Variants in SLC4A1AP observed in about 807,000 individuals in gnomAD.
SLC4A1AP encodes the protein kanadaptin.
SLC4A1AP carries 64 observed loss-of-function variants against 89.7 expected under a neutral mutation model. That is an observed-to-expected ratio of 0.71 (90% CI 0.58 to 0.88). The LOEUF is 0.88. Among genes scored for constraint, SLC4A1AP ranks in the 40% least tolerant of loss-of-function variants. The pLI is 0.00. For missense variants in SLC4A1AP, 931 were observed against 965.0 expected (o/e 0.96, Z 0.47); for synonymous variants, 366 against 353.3 (o/e 1.04, Z -0.40).
At chr2:27,672,737 C>T (rs973021333) in intron 5 of SLC4A1AP, among the ~76,000 whole-genome samples, 3 of 152,100 alleles carry the variant, frequency 2.0e-5, no homozygotes, top group Non-Finnish European at 4.4e-5. Context: ...GGTTTGTTGA[C>T]TTTGAGCAGT....
chr2:27,683,562 C>T (rs1031821924), intron 9 of SLC4A1AP, among the ~76,000 whole-genome samples: 1 of 152,112 alleles, frequency 6.6e-6, no homozygotes, highest in Non-Finnish European at 1.5e-5. Flanking sequence ...TAGGGCCCCA[C>T]CCTAATAGTG....
intron 12 of SLC4A1AP, among the ~76,000 whole-genome samples, chr2:27,690,793 G>A (rs138766140): frequency 0.023 from 3,552 of 152,150 alleles, 84 homozygotes; most frequent in Non-Finnish European, 0.038. Context: ...TATGGTTTTT[G>A]TTTTTAATTC....
exon 13 of SLC4A1AP, chr2:27,693,720 T>G: frequency 6.2e-7 from 1 of 1,612,488 alleles, no homozygotes; most frequent in Non-Finnish European, 8.5e-7. Context: ...ATCCTGAAGA[T>G]GACCCAGACT....
intron 8 of SLC4A1AP, among the ~76,000 whole-genome samples, chr2:27,680,121 G>A (rs1419486082): frequency 1.3e-5 from 2 of 152,132 alleles, no homozygotes; most frequent in African/African-American, 4.8e-5. Flanking sequence ...TTTAGCAGCC[G>A]ATGTCTGCAG....
Position 27,694,758 on chromosome 2 carries a change from T to C in SLC4A1AP, c.*75T>C, listed in dbSNP as rs910729279. ...ATTTGGGATAATGTATCAAATTGAA[T>C]GGCCAGAGAAGTTTAGATGATTATT... is the stretch of plus-strand genomic sequence containing the variant. On this transcript the variant is annotated 3_prime_UTR_variant, in exon 14 of 14. Coordinates refer to ENST00000613058, the Ensembl canonical transcript of SLC4A1AP. The C allele has an allele frequency of 1.9e-5, 21 of 1,125,494 alleles. No homozygotes were observed. In the African/African-American group the frequency reaches 3.2e-4, roughly 17 times the overall value. The allele number at this position is 1,125,494 out of a possible 1,614,324, so 69.7% of individuals were successfully genotyped here. A position where few individuals can be genotyped will look rare whatever the true frequency, so the allele number is the denominator to read the frequency against.
At chr2:27,688,717 G>A (rs1675744554) in exon 12 of SLC4A1AP, 1 of 1,601,856 alleles carries the variant, frequency 6.2e-7, no homozygotes. Context: ...GAATGAATAT[G>A]AGAAAAGCAG....
chr2:27,692,377 C>T lies in SLC4A1AP; in HGVS notation c.2272-1308C>T, dbSNP rs112223133. The T allele has an allele frequency of 9.7e-4, 147 of 152,270 alleles. 1 individual carries two copies. Among genetic ancestry groups the T allele is most frequent in the African/African-American group, 3.4e-3 (140 of 41,554 alleles). 9.4% of individuals were successfully genotyped at this position (152,270 alleles called of 1,614,324 possible). On this transcript the variant is annotated intron_variant, in intron 12 of 13. Coordinates refer to ENST00000613058, the Ensembl canonical transcript of SLC4A1AP. Reference sequence around the variant, plus strand: ...TCTGAGAAGATACTTGATATGATTTCAATTTTTTTAAATTTGAGATTTGTT... The same window carrying T: ...TCTGAGAAGATACTTGATATGATTTTAATTTTTTTAAATTTGAGATTTGTT...
intron 6 of SLC4A1AP, among the ~76,000 whole-genome samples, chr2:27,676,842 A>C (rs1455690480): frequency 6.6e-6 from 1 of 151,744 alleles, no homozygotes; most frequent in Non-Finnish European, 1.5e-5. Context: ...AAAAAAAAAA[A>C]AAAAACTATT....
Position 27,665,260 on chromosome 2 carries a change from G to A in SLC4A1AP, c.986G>A (p.Ser329Asn), listed in dbSNP as rs764545553. The A allele has an allele frequency of 6.2e-6, 10 of 1,611,660 alleles. No individual in the cohort carries two copies. Among genetic ancestry groups the A allele is most frequent in the Non-Finnish European group, 8.5e-6 (10 of 1,178,968 alleles). Reference sequence around the variant, plus strand: ...TCTGAAAGGAAGATAAATGCTGGTAGCCAAGATGATGAGATGGGTTGCACC... The same window carrying A: ...TCTGAAAGGAAGATAAATGCTGGTAACCAAGATGATGAGATGGGTTGCACC... The change falls in exon 2 of 14, where the codon AGC (serine) becomes AAC (asparagine). Residue 329 changes from serine (S) to asparagine (N), a missense_variant. By Grantham distance (46) the Ser-to-Asn change is conservative. Transcript: ENST00000613058.
chr2:27,685,250 A>T, exon 10 of SLC4A1AP: 1 of 1,611,468 alleles, frequency 6.2e-7, no homozygotes, highest in Non-Finnish European at 8.5e-7. Flanking sequence ...CACAGATCTC[A>T]CACATTTTAA....
At chr2:27,690,167 A>T (rs1675767059) in intron 12 of SLC4A1AP, among the ~76,000 whole-genome samples, 1 of 152,220 alleles carries the variant, frequency 6.6e-6, no homozygotes, top group African/African-American at 2.4e-5. Flanking sequence ...AATTTTTAAA[A>T]AATAGCTTTT....
intron 10 of SLC4A1AP, among the ~76,000 whole-genome samples, chr2:27,685,878 A>G (rs1675698246): frequency 6.6e-6 from 1 of 152,200 alleles, no homozygotes; most frequent in African/African-American, 2.4e-5. Flanking sequence ...TTCTATATAT[A>G]TATTCTAATT....
At chr2:27,690,417 ACTC>A (rs1170339524) in intron 12 of SLC4A1AP, among the ~76,000 whole-genome samples, 2 of 152,012 alleles carry the variant, frequency 1.3e-5, no homozygotes, top group African/African-American at 4.8e-5. Context: ...TTGGTTTTCC[ACTC>A]CTAAGTTACT....
intron 11 of SLC4A1AP, 114 bp downstream of exon 11, chr2:27,688,134 T>C (rs993755343): frequency 1.4e-5 from 11 of 767,178 alleles, no homozygotes; most frequent in East Asian, 5.6e-5. Context: ...CCTTTAGTTA[T>C]GTTGCCACTA....
intron 12 of SLC4A1AP, 102 bp downstream of exon 12, chr2:27,688,869 G>A: frequency 5.1e-6 from 4 of 785,250 alleles, no homozygotes; most frequent in South Asian, 2.1e-5. Context: ...GTTCCCAGCA[G>A]CCTTATTCCC....
intron 8 of SLC4A1AP, among the ~76,000 whole-genome samples, chr2:27,680,795 CAA>C (rs1675607072): frequency 1.5e-5 from 2 of 131,630 alleles, no homozygotes; most frequent in Non-Finnish European, 3.0e-5. Context: ...AAAACAACAA[CAA>C]CAACAACAAC....
At chr2:27,686,804 T>G (rs992431516) in intron 10 of SLC4A1AP, among the ~76,000 whole-genome samples, 1 of 152,200 alleles carries the variant, frequency 6.6e-6, no homozygotes, top group Non-Finnish European at 1.5e-5. Flanking sequence ...AAATAATTAG[T>G]AAATTTGCAG....
chr2:27,690,321 T>C (rs12998770), intron 12 of SLC4A1AP, among the ~76,000 whole-genome samples: 25,878 of 151,938 alleles, frequency 0.17, 2,679 homozygotes, highest in East Asian at 0.33. Flanking sequence ...CTCCTCCCTC[T>C]GAGTCTCCAA....
chr2:27,680,041 T>G (rs769653678), intron 8 of SLC4A1AP, among the ~76,000 whole-genome samples: 2 of 152,070 alleles, frequency 1.3e-5, no homozygotes, highest in African/African-American at 2.4e-5. Flanking sequence ...CCTTCATTGG[T>G]CATAGGCTGC....
Sources: allele counts gnomAD v4.1 joint callset (sites outside exome capture counted in the v4.1 genomes callset), GRCh38; gene constraint gnomAD v4.1.1; transcripts MANE v1.5; gene names NCBI Gene and HGNC (gene_info 2026-07-23, HGNC 2026-07-21).